The following FRMD4B variants were observed in gnomAD, a reference collection of about 807,000 sequenced individuals.
FRMD4B encodes the protein FERM domain containing 4B.
FRMD4B carries 74 observed loss-of-function variants against 141.5 expected under a neutral mutation model. That is an observed-to-expected ratio of 0.52 (90% CI 0.43 to 0.63). The LOEUF (loss-of-function observed/expected upper bound fraction) is 0.63, where lower values mean the gene tolerates loss of function less well. Among genes scored for constraint, FRMD4B ranks in the 30% least tolerant of loss-of-function variants. The pLI, the probability that FRMD4B is intolerant of heterozygous loss-of-function variation, is 0.00. For synonymous variants in FRMD4B, 506 were observed against 467.9 expected (o/e 1.08, Z -1.05); for missense variants, 1,366 against 1,253.4 (o/e 1.09, Z -1.36).
At chr3:69,237,593 T>G (rs1457550985) in intron 7 of FRMD4B, among the ~76,000 whole-genome samples, 2 of 151,934 alleles carry the variant, frequency 1.3e-5, no homozygotes, top group South Asian at 4.2e-4. Flanking sequence ...CATGCATTTC[T>G]AGGCTTCATG....
At chr3:69,329,239 T>C (rs1224817650) in intron 1 of FRMD4B, among the ~76,000 whole-genome samples, 1 of 152,238 alleles carries the variant, frequency 6.6e-6, no homozygotes, top group Non-Finnish European at 1.5e-5. Flanking sequence ...TAGTAGGACT[T>C]ACTATTTTAA....
At chr3:69,274,529 A>AT (rs1376367107) in intron 5 of FRMD4B, among the ~76,000 whole-genome samples, 45 of 151,602 alleles carry the variant, frequency 3.0e-4, no homozygotes, top group African/African-American at 1.1e-3. Flanking sequence ...TTTTATTTTT[A>AT]TTTTTTTGAG....
intron 5 of FRMD4B, among the ~76,000 whole-genome samples, chr3:69,279,403 T>C (rs1186661676): frequency 2.0e-5 from 3 of 152,222 alleles, no homozygotes; most frequent in African/African-American, 7.2e-5. Context: ...TAAGTTGCTG[T>C]GGGTGTTAAA....
intron 1 of FRMD4B, among the ~76,000 whole-genome samples, chr3:69,382,650 A>G (rs1704143897): frequency 6.6e-6 from 1 of 151,590 alleles, no homozygotes; most frequent in Non-Finnish European, 1.5e-5. Flanking sequence ...TTGTCATCCC[A>G]TACTCTGTGC....
intron 19 of FRMD4B, among the ~76,000 whole-genome samples, chr3:69,185,223 C>T (rs1044476374): frequency 6.6e-6 from 1 of 151,030 alleles, no homozygotes; most frequent in African/African-American, 2.4e-5. Context: ...ATGGCGTGAA[C>T]CTGGGAGGCG....
At chr3:69,211,676 C>T (rs570325518) in intron 11 of FRMD4B, among the ~76,000 whole-genome samples, 46 of 152,280 alleles carry the variant, frequency 3.0e-4, no homozygotes, top group African/African-American at 7.7e-4. Flanking sequence ...TGTAACAAGA[C>T]GGGATGTGGC....
chr3:69,212,404 A>G (rs138315801), intron 11 of FRMD4B, among the ~76,000 whole-genome samples: 56 of 150,078 alleles, frequency 3.7e-4, no homozygotes, highest in African/African-American at 1.3e-3. Flanking sequence ...AAAAAAAAGA[A>G]AAAAAGCGAT....
chr3:69,475,228 T>G (rs1004084096), intron 1 of FRMD4B, among the ~76,000 whole-genome samples: 17 of 152,156 alleles, frequency 1.1e-4, no homozygotes, highest in African/African-American at 4.1e-4. Context: ...TATTATACTT[T>G]AAGTTTTAGG....
In FRMD4B at chr3:69,455,424, G is replaced by C. The variant is rs1298775943; in HGVS notation, c.-128-22663C>G. Among the ~76,000 whole-genome samples, 4 of 152,222 alleles carry C rather than the reference G, an allele frequency of 2.6e-5. No homozygotes were observed. The East Asian group carries it at 7.7e-4, about 29-fold the overall frequency. The stretch of plus-strand genomic sequence containing the variant: ...GCAGCTTCTCATCTGAGAACAGTGA[G>C]ACCACGAATGCACCAGGAGGAATGA... On this transcript the variant is annotated intron_variant, in intron 1 of 5. Coordinates refer to the FRMD4B transcript ENST00000459638.
chr3:69,424,503 G>T (rs2106817669), intron 2 of FRMD4B, among the ~76,000 whole-genome samples: 1 of 152,274 alleles, frequency 6.6e-6, no homozygotes, highest in Non-Finnish European at 1.5e-5. Context: ...TCACTTCTGA[G>T]TGGTTTCTCT....
chr3:69,472,348 T>C, intron 1 of FRMD4B: 1 of 488,770 alleles, frequency 2.0e-6, no homozygotes, highest in Non-Finnish European at 4.1e-6. Context: ...GGGATTCTTG[T>C]TGGATATATC....
chr3:69,265,255 A>C (rs1422140958), intron 5 of FRMD4B, among the ~76,000 whole-genome samples: 4 of 13,718 alleles, frequency 2.9e-4, no homozygotes, highest in Non-Finnish European at 4.5e-4. Context: ...ACTCCATCTC[A>C]AAAAAAAAAA....
At chr3:69,313,549 G>T in intron 1 of FRMD4B, 32 bp from the exon 2 acceptor site, 2 of 1,395,884 alleles carry the variant, frequency 1.4e-6, no homozygotes, top group Non-Finnish European at 2.0e-6. Flanking sequence ...AGTGGTGTCA[G>T]GGCCACGGCT....
At chr3:69,186,464 C>A (rs2092768873) in intron 19 of FRMD4B, among the ~76,000 whole-genome samples, 1 of 152,096 alleles carries the variant, frequency 6.6e-6, no homozygotes, top group African/African-American at 2.4e-5. Context: ...GTAATCCCAG[C>A]ACTTTGGGAG....
rs191075810 is a variant in FRMD4B, at chr3:69,340,679, C to G, written c.163-27162G>C. On this transcript the variant is annotated intron_variant, in intron 1 of 22. Coordinates refer to ENST00000398540, the MANE Select transcript of FRMD4B (RefSeq NM_015123.3). ...TCATGGAGGTAATACTGGTGCTACA[C>G]TATGAGGTTTAGATGAGCTGATGTA... is the stretch of plus-strand genomic sequence containing the variant. Among the ~76,000 whole-genome samples the G allele has an allele frequency of 7.9e-5, 12 of 152,290 alleles. No individual in the cohort carries two copies. The East Asian group carries it at 2.3e-3, about 29-fold the overall frequency.
chr3:69,523,318 T>C (rs1292733780), intron 1 of FRMD4B, among the ~76,000 whole-genome samples: 1 of 152,132 alleles, frequency 6.6e-6, no homozygotes, highest in Non-Finnish European at 1.5e-5. Context: ...TTGAAAGCTA[T>C]TGGAAAGCTC....
chr3:69,317,266 T>C (rs964387085), intron 1 of FRMD4B, among the ~76,000 whole-genome samples: 1 of 152,196 alleles, frequency 6.6e-6, no homozygotes, highest in Non-Finnish European at 1.5e-5. Context: ...GTCCTGCCCC[T>C]TTGTCCTCAG....
chr3:69,479,307 G>T (rs1481970677), intron 1 of FRMD4B, among the ~76,000 whole-genome samples: 94 of 145,996 alleles, frequency 6.4e-4, no homozygotes, highest in South Asian at 2.0e-3. Flanking sequence ...AGCCTCGATG[G>T]TCTTTACAAT....
At chr3:69,295,015 C>T (rs568179098) in intron 4 of FRMD4B, among the ~76,000 whole-genome samples, 7 of 152,296 alleles carry the variant, frequency 4.6e-5, no homozygotes, top group East Asian at 3.9e-4. Flanking sequence ...TAGAATGTTT[C>T]GCCCACTGAA....
Sources: gnomAD v4.1 joint callset for allele counts (sites outside exome capture counted in the v4.1 genomes callset) on GRCh38, gnomAD v4.1.1 for gene constraint, MANE v1.5 for transcripts, NCBI Gene and HGNC (gene_info 2026-07-23, HGNC 2026-07-21) for gene names.